Variants in ARHGEF3 observed in about 807,000 individuals in gnomAD.
The protein encoded by ARHGEF3 is 59.8 kDA protein.
Under a neutral mutation model 63.2 loss-of-function variants are expected in ARHGEF3, and 28 were observed. That is an observed-to-expected ratio of 0.44 (90% CI 0.33 to 0.61). The LOEUF is 0.61. Ranked by LOEUF, ARHGEF3 falls within the 20% of genes least tolerant of loss-of-function variation. ARHGEF3 has a pLI of 0.03. For missense variants in ARHGEF3, 533 were observed against 659.3 expected, an observed-to-expected ratio of 0.81 and a Z score of 2.10; for synonymous variants, 266 against 254.2, an observed-to-expected ratio of 1.05 and a Z score of -0.44.
intron 3 of ARHGEF3, among the ~76,000 whole-genome samples, chr3:56,945,466 T>C (rs1699438112): frequency 6.6e-6 from 1 of 152,040 alleles, no homozygotes; most frequent in Admixed American, 6.5e-5. Context: ...CACCAGGAGA[T>C]TATATCCTGT....
intron 1 of ARHGEF3, among the ~76,000 whole-genome samples, chr3:56,794,401 C>T (rs2037236485): frequency 6.7e-6 from 1 of 148,244 alleles, no homozygotes; most frequent in African/African-American, 2.5e-5. Flanking sequence ...GACAGGAGAA[C>T]AGCTTGAACC....
At chr3:56,937,958 T>C (rs1698982631) in intron 3 of ARHGEF3, among the ~76,000 whole-genome samples, 1 of 152,232 alleles carries the variant, frequency 6.6e-6, no homozygotes, top group African/African-American at 2.4e-5. Context: ...CATTCCCCCT[T>C]TTCTCTAAAT....
intron 2 of ARHGEF3, among the ~76,000 whole-genome samples, chr3:56,962,759 C>T (rs894617574): frequency 2.6e-5 from 4 of 152,120 alleles, no homozygotes; most frequent in African/African-American, 7.2e-5. Context: ...GAAATGCCCA[C>T]AGTAGCAGAG....
intron 6 of ARHGEF3, among the ~76,000 whole-genome samples, chr3:56,747,259 G>A (rs774773866): frequency 1.2e-4 from 18 of 152,190 alleles, no homozygotes; most frequent in Non-Finnish European, 2.2e-4. Flanking sequence ...ACCATTGGAT[G>A]TAAACTAGTG....
At chr3:56,973,762 T>C (rs1315994279) in intron 2 of ARHGEF3, among the ~76,000 whole-genome samples, 3 of 151,854 alleles carry the variant, frequency 2.0e-5, no homozygotes, top group African/African-American at 7.3e-5. Context: ...ATTAGTGAAA[T>C]GGAGAAAGAG....
intron 1 of ARHGEF3, chr3:57,074,295 G>T: frequency 6.3e-7 from 1 of 1,585,218 alleles, no homozygotes; most frequent in South Asian, 1.1e-5. Context: ...ACATCTGAGA[G>T]TCTGGCAGCT....
intron 1 of ARHGEF3, among the ~76,000 whole-genome samples, chr3:56,791,286 G>A (rs955911242): frequency 2.0e-5 from 3 of 151,928 alleles, no homozygotes; most frequent in Non-Finnish European, 4.4e-5. Context: ...GGTGGCACAC[G>A]CCTGTAGTCC....
intron 3 of ARHGEF3, among the ~76,000 whole-genome samples, chr3:56,883,142 G>A (rs1223238849): frequency 6.6e-6 from 1 of 152,170 alleles, no homozygotes; most frequent in Non-Finnish European, 1.5e-5. Flanking sequence ...GAACCCTAAT[G>A]TTGGAAAGAA....
intron 2 of ARHGEF3, among the ~76,000 whole-genome samples, chr3:57,029,521 G>A (rs553589195): frequency 6.6e-6 from 1 of 152,246 alleles, no homozygotes; most frequent in South Asian, 2.1e-4. Flanking sequence ...CACATCCCTG[G>A]GGTGATCTCT....
intron 6 of ARHGEF3, among the ~76,000 whole-genome samples, chr3:56,750,695 G>T (rs917939074): frequency 7.1e-6 from 1 of 140,342 alleles, no homozygotes; most frequent in South Asian, 2.2e-4. Flanking sequence ...TTTTGGTAGT[G>T]GATATATGTC....
rs1559876998 is a variant in ARHGEF3, at chr3:56,729,282, TTCACCGTGCCTGCTGTTTCCAC to T, written c.1547_1568del (p.Cys516Ter). The T allele has an allele frequency of 2.5e-6, 4 of 1,611,634 alleles. No individual in the cohort carries two copies. Among genetic ancestry groups the T allele is most frequent in the Non-Finnish European group, 3.4e-6 (4 of 1,178,400 alleles). On this transcript the variant is annotated frameshift_variant, in exon 10 of 10. Coordinates refer to ENST00000296315, the MANE Select transcript of ARHGEF3 (RefSeq NM_019555.3). LOFTEE classifies it high-confidence loss of function. ...GCACATGCTTCTGTCAGACGTTACTTTCACCGTGCCTGCTGTTTCCACAGGAAGAGTCTGTCTGTTCCATGCG... is the reference window on the plus strand; with the variant it reads ...GCACATGCTTCTGTCAGACGTTACTTAGGAAGAGTCTGTCTGTTCCATGCG...
chr3:56,798,949 T>C lies in ARHGEF3; in HGVS notation c.96+2754A>G, dbSNP rs183256974. On this transcript the variant is annotated intron_variant, in intron 1 of 9. Coordinates refer to ENST00000296315, the MANE Select transcript of ARHGEF3 (RefSeq NM_019555.3). ...CCCCCATGTCATAAGAAATAGCAGA[T>C]TAAGAGGCAGTATTATACTAACAGA... Among the ~76,000 whole-genome samples the C allele has an allele frequency of 5.3e-5, 8 of 152,278 alleles. No homozygotes were observed. In the East Asian group the frequency reaches 1.3e-3, roughly 26 times the overall value.
intron 7 of ARHGEF3, among the ~76,000 whole-genome samples, chr3:56,743,498 C>T (rs147273683): frequency 1.0e-3 from 156 of 152,226 alleles, no homozygotes; most frequent in African/African-American, 3.6e-3. Context: ...CTATTTAACC[C>T]CTCTAAGCCT....
At chr3:56,814,689 A>G (rs2038202852) in intron 4 of ARHGEF3, among the ~76,000 whole-genome samples, 1 of 152,174 alleles carries the variant, frequency 6.6e-6, no homozygotes, top group South Asian at 2.1e-4. Flanking sequence ...GAATTAAGGA[A>G]AAAAGGTGGA....
chr3:57,002,462 C>T (rs1386102149), intron 2 of ARHGEF3, among the ~76,000 whole-genome samples: 2 of 38,686 alleles, frequency 5.2e-5, no homozygotes, highest in African/African-American at 2.2e-4. Flanking sequence ...GTTCTAAGCA[C>T]TATATATATA....
intron 4 of ARHGEF3, among the ~76,000 whole-genome samples, chr3:56,809,565 T>A (rs534525617): frequency 6.6e-6 from 1 of 152,294 alleles, no homozygotes; most frequent in Admixed American, 6.5e-5. Flanking sequence ...TTTGAACTTA[T>A]AACTATCAGC....
chr3:56,871,928 A>C (rs956723844), intron 4 of ARHGEF3, among the ~76,000 whole-genome samples: 2 of 152,218 alleles, frequency 1.3e-5, no homozygotes, highest in Non-Finnish European at 2.9e-5. Context: ...TGTGACTGTC[A>C]ACACAGAAAT....
chr3:56,896,096 C>T (rs144239323), intron 3 of ARHGEF3, among the ~76,000 whole-genome samples: 2 of 152,280 alleles, frequency 1.3e-5, no homozygotes, highest in African/African-American at 2.4e-5. Context: ...AACAAAGGAA[C>T]ACAGGCCTTT....
chr3:56,774,923 CAACAA>C (rs200957080), intron 1 of ARHGEF3: 2 of 1,193,762 alleles, frequency 1.7e-6, no homozygotes, highest in Middle Eastern at 2.0e-4. Context: ...ACAACAACAA[CAACAA>C]AAAAAAAACA....
Sources: allele counts gnomAD v4.1 joint callset (sites outside exome capture counted in the v4.1 genomes callset), GRCh38; gene constraint gnomAD v4.1.1; transcripts MANE v1.5; gene names NCBI Gene and HGNC (gene_info 2026-07-23, HGNC 2026-07-21).